The following ADGRL3 variants were observed in gnomAD, a reference collection of about 807,000 sequenced individuals.
ADGRL3 encodes calcium-independent alpha-latrotoxin receptor 3.
In ADGRL3, 62 loss-of-function variants were observed where a neutral mutation model predicts 153.5. The ratio of observed to expected loss-of-function variants is 0.40; its 90% confidence interval spans 0.33 to 0.50. The LOEUF is 0.50. Ranked by LOEUF, ADGRL3 falls within the 20% of genes least tolerant of loss-of-function variation. The pLI is 0.47. For synonymous variants in ADGRL3, 710 were observed against 672.5 expected, an observed-to-expected ratio of 1.06 and a Z score of -0.86; for missense variants, 1,641 against 1,859.4, an observed-to-expected ratio of 0.88 and a Z score of 2.16.
At chr4:61,369,042 G>A (rs551194606) in intron 1 of ADGRL3, among the ~76,000 whole-genome samples, 2 of 152,268 alleles carry the variant, frequency 1.3e-5, no homozygotes, top group South Asian at 4.1e-4. Context: ...TCTGTTGTTG[G>A]TGTATAGGAA....
At chr4:61,920,221 A>G (rs2098762389) in intron 13 of ADGRL3, among the ~76,000 whole-genome samples, 1 of 152,154 alleles carries the variant, frequency 6.6e-6, no homozygotes, top group Admixed American at 6.6e-5. Flanking sequence ...ACATCAATTT[A>G]CTTTTCTATT....
In ADGRL3 at chr4:61,414,674, G is replaced by GT. The variant is rs796595713; in HGVS notation, c.-174+31495dup. The stretch of plus-strand genomic sequence containing the variant: ...AGTCAAAATATGAGAATTGCTTTAT[G>GT]TTTTTTTTTTGGAATAATATATCAA... On this transcript the variant is annotated intron_variant, in intron 2 of 26. Transcript: ENST00000683033. Among the ~76,000 whole-genome samples the GT allele has an allele frequency of 7.3e-4, 106 of 146,000 alleles. 1 individual carries two copies. Among genetic ancestry groups the GT allele is most frequent in the Middle Eastern group, 3.6e-3 (1 of 276 alleles).
chr4:61,828,644 T>C (rs966495965), intron 9 of ADGRL3, among the ~76,000 whole-genome samples: 193 of 152,296 alleles, frequency 1.3e-3, no homozygotes, highest in African/African-American at 4.3e-3. Flanking sequence ...TTTAAATGCA[T>C]ATGAACTAGT....
At chr4:61,416,565 A>T (rs2097147182) in intron 2 of ADGRL3, among the ~76,000 whole-genome samples, 1 of 152,208 alleles carries the variant, frequency 6.6e-6, no homozygotes, top group African/African-American at 2.4e-5. Context: ...AAAGTTGAGA[A>T]TAAGCTTTTG....
At chr4:61,254,707 G>A (rs568198696) in intron 1 of ADGRL3, among the ~76,000 whole-genome samples, 1 of 152,222 alleles carries the variant, frequency 6.6e-6, no homozygotes, top group East Asian at 1.9e-4. Context: ...TTGTTACCAT[G>A]CTTATTAAGT....
At position 61,727,880 on chromosome 4, in the gene ADGRL3, A is replaced by G. The variant is rs545925975; in HGVS notation, c.584-2742A>G. The stretch of plus-strand genomic sequence containing the variant: ...AAATATCAAGAAGCAAAATTGTTCA[A>G]TGTTATTTGGATTATGTATTTAATT... On this transcript the variant is annotated intron_variant, in intron 6 of 26. Transcript: ENST00000683033. Among the ~76,000 whole-genome samples the G allele has an allele frequency of 1.9e-4, 29 of 152,196 alleles. No homozygotes were observed. The East Asian group carries it at 5.6e-3, about 29-fold the overall frequency.
chr4:61,924,146 G>C (rs1453484345), intron 13 of ADGRL3, among the ~76,000 whole-genome samples: 1 of 152,198 alleles, frequency 6.6e-6, no homozygotes, highest in East Asian at 1.9e-4. Flanking sequence ...ATGGTCGGTA[G>C]TCAATGCATA....
chr4:61,874,789 CTTTTTTTT>C (rs11432355), intron 9 of ADGRL3, among the ~76,000 whole-genome samples: 279 of 61,510 alleles, frequency 4.5e-3, no homozygotes, highest in African/African-American at 0.017. Context: ...TCAAAATGCT[CTTTTTTTT>C]TTTTTTTTTT....
chr4:61,551,462 T>G (rs2098740125), intron 4 of ADGRL3, among the ~76,000 whole-genome samples: 1 of 152,128 alleles, frequency 6.6e-6, no homozygotes. Flanking sequence ...ACTAAGAATT[T>G]TAATTCTAGA....
intron 5 of ADGRL3, among the ~76,000 whole-genome samples, chr4:61,597,808 A>G (rs1283413913): frequency 6.6e-6 from 1 of 152,034 alleles, no homozygotes; most frequent in East Asian, 1.9e-4. Flanking sequence ...AACTACTTAG[A>G]CACTCATTTT....
chr4:61,767,503 G>A (rs1022224944), intron 8 of ADGRL3, among the ~76,000 whole-genome samples: 43 of 152,174 alleles, frequency 2.8e-4, no homozygotes, highest in Non-Finnish European at 4.0e-4. Flanking sequence ...AGAGTTACCC[G>A]AAGCTCGGCG....
chr4:61,863,517 G>A (rs1025447665), intron 9 of ADGRL3, among the ~76,000 whole-genome samples: 23 of 152,196 alleles, frequency 1.5e-4, no homozygotes, highest in African/African-American at 5.1e-4. Context: ...GATTACAGGC[G>A]TGAGCCACCG....
chr4:61,506,129 G>T (rs569689519), intron 3 of ADGRL3, among the ~76,000 whole-genome samples: 14 of 152,152 alleles, frequency 9.2e-5, no homozygotes, highest in African/African-American at 3.4e-4. Context: ...TGGCCTTAAA[G>T]AGTTTAAATC....
At chr4:61,212,155 A>T (rs1442765792) in intron 1 of ADGRL3, 2 of 152,232 alleles carry the variant, frequency 1.3e-5, no homozygotes, top group Non-Finnish European at 2.9e-5. Flanking sequence ...CAGAAGAAAA[A>T]GTTATGCCAG....
At chr4:61,524,933 T>G (rs2098551181) in intron 4 of ADGRL3, among the ~76,000 whole-genome samples, 1 of 152,118 alleles carries the variant, frequency 6.6e-6, no homozygotes, top group Admixed American at 6.6e-5. Context: ...GTAGCTTGGG[T>G]AACTGAACAT....
At chr4:61,680,778 C>G (rs2095319052) in intron 6 of ADGRL3, among the ~76,000 whole-genome samples, 1 of 151,894 alleles carries the variant, frequency 6.6e-6, no homozygotes, top group South Asian at 2.1e-4. Context: ...TTACTCAGAC[C>G]ACCTTCTTTG....
At chr4:61,366,671 A>C (rs188719147) in intron 1 of ADGRL3, among the ~76,000 whole-genome samples, 1 of 152,272 alleles carries the variant, frequency 6.6e-6, no homozygotes, top group Admixed American at 6.5e-5. Context: ...ATATTTAGGT[A>C]ATATTTTTTA....
At chr4:61,679,425 G>T (rs534131710) in intron 6 of ADGRL3, among the ~76,000 whole-genome samples, 1 of 151,876 alleles carries the variant, frequency 6.6e-6, no homozygotes, top group African/African-American at 2.4e-5. Context: ...AAAAAGCTAG[G>T]TCCTTTTCCT....
At chr4:61,652,759 C>A (rs1385267500) in intron 5 of ADGRL3, among the ~76,000 whole-genome samples, 1 of 152,082 alleles carries the variant, frequency 6.6e-6, no homozygotes, top group Non-Finnish European at 1.5e-5. Flanking sequence ...ACCACTTTTT[C>A]CCCCTGTAAG....
Sources: allele counts gnomAD v4.1 joint callset (sites outside exome capture counted in the v4.1 genomes callset), GRCh38; gene constraint gnomAD v4.1.1; transcripts MANE v1.5; gene names NCBI Gene and HGNC (gene_info 2026-07-23, HGNC 2026-07-21).